The following SKAP2 variants were observed in gnomAD, a reference collection of about 807,000 sequenced individuals.
SKAP2 encodes src kinase-associated phosphoprotein 2.
A neutral mutation model predicts 54.9 loss-of-function variants in SKAP2; 28 were observed. The ratio of observed to expected loss-of-function variants is 0.51; its 90% confidence interval spans 0.38 to 0.70. The LOEUF is 0.70. SKAP2 is among the 30% of genes least tolerant of loss of function. The probability of loss-of-function intolerance (pLI) is 0.00; values close to 1 mark genes in which losing one functional copy is unlikely to be tolerated. For synonymous variants in SKAP2, 137 were observed against 134.3 expected (o/e 1.02, Z -0.14); for missense variants, 356 against 424.1 (o/e 0.84, Z 1.41).
chr7:26,834,992 C>T (rs1784675803), intron 4 of SKAP2, among the ~76,000 whole-genome samples: 3 of 152,334 alleles, frequency 2.0e-5, no homozygotes, highest in South Asian at 4.1e-4. Context: ...AAAAGCTTAT[C>T]CACCACAATC....
intron 4 of SKAP2, among the ~76,000 whole-genome samples, chr7:26,768,270 T>A (rs73063604): frequency 0.32 from 44,338 of 140,464 alleles, 6,857 homozygotes; most frequent in Non-Finnish European, 0.35. Context: ...AGACTAAGAT[T>A]GCAACCCCTG....
At chr7:26,781,539 C>G (rs1291732981) in intron 4 of SKAP2, among the ~76,000 whole-genome samples, 1 of 152,156 alleles carries the variant, frequency 6.6e-6, no homozygotes, top group African/African-American at 2.4e-5. Flanking sequence ...ATCCTTAGTT[C>G]CAAGGAGACT....
intron 6 of SKAP2, among the ~76,000 whole-genome samples, chr7:26,736,452 CA>C (rs1787945427): frequency 2.0e-5 from 3 of 152,090 alleles, no homozygotes; most frequent in Non-Finnish European, 4.4e-5. Context: ...GAGAAACCCT[CA>C]GTTCTGAGAA....
intron 4 of SKAP2, among the ~76,000 whole-genome samples, chr7:26,799,336 A>G (rs1232286054): frequency 6.6e-6 from 1 of 152,166 alleles, no homozygotes; most frequent in East Asian, 1.9e-4. Context: ...TTCACCTATA[A>G]GCACACATAG....
At chr7:26,806,764 A>G (rs1384784762) in intron 4 of SKAP2, among the ~76,000 whole-genome samples, 1 of 152,208 alleles carries the variant, frequency 6.6e-6, no homozygotes, top group African/African-American at 2.4e-5. Context: ...CACTCCCTTA[A>G]GGTGAAATCT....
chr7:26,809,198 G>A (rs2127987340), intron 4 of SKAP2, among the ~76,000 whole-genome samples: 1 of 152,280 alleles, frequency 6.6e-6, no homozygotes, highest in East Asian at 1.9e-4. Context: ...CAGATCACCT[G>A]AGGTCAGGAG....
chr7:26,687,420 G>C (rs1392677894), intron 10 of SKAP2, among the ~76,000 whole-genome samples: 1 of 151,838 alleles, frequency 6.6e-6, no homozygotes, highest in Non-Finnish European at 1.5e-5. Context: ...TCCCGTATGA[G>C]AGCTCTGTTA....
chr7:26,668,658 T>TTC lies in SKAP2; in HGVS notation c.*1006_*1007dup, dbSNP rs1562569195. The stretch of plus-strand genomic sequence containing the variant: ...TTTTTACTTTGAGAATACACTGAGA[T>TTC]TCTGTTTTTTTTTTTTTTTTTTTCT... On this transcript the variant is annotated 3_prime_UTR_variant, in exon 13 of 13. Coordinates refer to ENST00000345317, the MANE Select transcript of SKAP2 (RefSeq NM_003930.5). The TTC allele has an allele frequency of 7.1e-6, 1 of 139,970 alleles. No homozygotes were observed. Among genetic ancestry groups the TTC allele is most frequent in the African/African-American group, 2.6e-5 (1 of 38,280 alleles). The allele number at this position is 139,970 out of a possible 1,614,324, so 8.7% of individuals were successfully genotyped here.
intron 6 of SKAP2, among the ~76,000 whole-genome samples, chr7:26,728,362 C>T (rs771577939): frequency 1.9e-4 from 29 of 152,212 alleles, no homozygotes; most frequent in Non-Finnish European, 4.0e-4. Flanking sequence ...GCCCTTAGTA[C>T]ATTTACATAG....
chr7:26,749,048 C>T (rs1451392721), intron 4 of SKAP2, among the ~76,000 whole-genome samples: 1 of 152,226 alleles, frequency 6.6e-6, no homozygotes, highest in East Asian at 1.9e-4. Context: ...TCTCTTATTA[C>T]TACTAGTATT....
intron 9 of SKAP2, among the ~76,000 whole-genome samples, chr7:26,706,974 T>C (rs1014114010): frequency 2.0e-5 from 3 of 152,228 alleles, no homozygotes; most frequent in African/African-American, 4.8e-5. Context: ...CTAAATAGCA[T>C]TAAGCAGCTA....
At chr7:26,826,274 T>C (rs77963315) in intron 4 of SKAP2, among the ~76,000 whole-genome samples, 2 of 152,176 alleles carry the variant, frequency 1.3e-5, no homozygotes, top group African/African-American at 4.8e-5. Context: ...TGGGTGGTCA[T>C]CTTTGCCACA....
At chr7:26,712,749 TATC>T (rs747868688) in intron 9 of SKAP2, among the ~76,000 whole-genome samples, 21 of 152,236 alleles carry the variant, frequency 1.4e-4, no homozygotes, top group Middle Eastern at 3.2e-3. Context: ...TTAGTATAAT[TATC>T]ATCATATCTT....
chr7:26,789,591 C>T (rs1783631589), intron 4 of SKAP2, among the ~76,000 whole-genome samples: 1 of 152,126 alleles, frequency 6.6e-6, no homozygotes, highest in South Asian at 2.1e-4. Flanking sequence ...TAAGTAGCCA[C>T]TGTTTACTTT....
intron 4 of SKAP2, among the ~76,000 whole-genome samples, chr7:26,793,814 G>A (rs1259549346): frequency 6.6e-6 from 1 of 152,296 alleles, no homozygotes; most frequent in East Asian, 1.9e-4. Context: ...GAAATATAGA[G>A]CGATTACAAA....
At chr7:26,672,899 G>A (rs1361165751) in intron 11 of SKAP2, among the ~76,000 whole-genome samples, 1 of 151,934 alleles carries the variant, frequency 6.6e-6, no homozygotes, top group Non-Finnish European at 1.5e-5. Flanking sequence ...ATTCAATATT[G>A]TACAAGGTTT....
intron 11 of SKAP2, among the ~76,000 whole-genome samples, chr7:26,678,069 C>T (rs766157168): frequency 6.6e-6 from 1 of 152,138 alleles, no homozygotes; most frequent in African/African-American, 2.4e-5. Context: ...TTAATAGCTG[C>T]GTATCCTCAG....
intron 5 of SKAP2, 32 bp from the exon 6 acceptor site, chr7:26,738,910 T>A: frequency 8.1e-7 from 1 of 1,239,010 alleles, no homozygotes; most frequent in Non-Finnish European, 1.2e-6. Flanking sequence ...GTAAGGCCAT[T>A]TCCTTACTGT....
intron 4 of SKAP2, among the ~76,000 whole-genome samples, chr7:26,794,925 TA>T (rs1395675454): frequency 6.6e-6 from 1 of 152,214 alleles, no homozygotes; most frequent in Non-Finnish European, 1.5e-5. Context: ...AAGTTCCTAA[TA>T]AAACCCCATG....
Sources: allele counts gnomAD v4.1 joint callset (sites outside exome capture counted in the v4.1 genomes callset), GRCh38; gene constraint gnomAD v4.1.1; transcripts MANE v1.5; gene names NCBI Gene and HGNC (gene_info 2026-07-23, HGNC 2026-07-21).